Variants in PLXDC2 observed in about 807,000 individuals in gnomAD.
The protein encoded by PLXDC2 is plexin domain containing 2.
PLXDC2 carries 40 observed loss-of-function variants against 68.9 expected under a neutral mutation model. The observed-to-expected ratio is 0.58, with a 90% CI of 0.45 to 0.76. PLXDC2 has a LOEUF of 0.76. Ranked by LOEUF, PLXDC2 falls within the 30% of genes least tolerant of loss-of-function variation. The pLI, the probability that PLXDC2 is intolerant of heterozygous loss-of-function variation, is 0.00. For synonymous variants in PLXDC2, 243 were observed against 234.2 expected (o/e 1.04, Z -0.34); for missense variants, 644 against 661.9 (o/e 0.97, Z 0.30).
intron 4 of PLXDC2, among the ~76,000 whole-genome samples, chr10:20,102,301 A>G (rs780240130): frequency 6.6e-6 from 1 of 152,232 alleles, no homozygotes; most frequent in Non-Finnish European, 1.5e-5. Context: ...ATTTTGATTT[A>G]GATAACTCGG....
At chr10:20,243,203 G>A (rs1835540953) in intron 12 of PLXDC2, among the ~76,000 whole-genome samples, 1 of 152,184 alleles carries the variant, frequency 6.6e-6, no homozygotes, top group African/African-American at 2.4e-5. Flanking sequence ...CAGACTGCTG[G>A]TGTGTGAGCT....
intron 7 of PLXDC2, among the ~76,000 whole-genome samples, chr10:20,175,594 C>G (rs1429666465): frequency 6.6e-6 from 1 of 152,132 alleles, no homozygotes; most frequent in African/African-American, 2.4e-5. Flanking sequence ...TTTGGGAGGC[C>G]AAAGCAGGGG....
intron 1 of PLXDC2, among the ~76,000 whole-genome samples, chr10:19,859,000 C>G (rs192340682): frequency 1.3e-5 from 2 of 150,918 alleles, no homozygotes; most frequent in East Asian, 3.9e-4. Context: ...AAGCAGGGAA[C>G]CCATGATGAG....
At chr10:19,998,018 A>G (rs1266849377) in intron 1 of PLXDC2, among the ~76,000 whole-genome samples, 1 of 152,228 alleles carries the variant, frequency 6.6e-6, no homozygotes, top group Admixed American at 6.5e-5. Flanking sequence ...CTATAGCCAA[A>G]TATGTTGGGG....
chr10:20,203,418 C>T (rs993789246), intron 9 of PLXDC2, among the ~76,000 whole-genome samples: 18 of 151,788 alleles, frequency 1.2e-4, no homozygotes, highest in Non-Finnish European at 1.2e-4. Context: ...AATCTTTCCA[C>T]TTCAGCCTCC....
chr10:20,083,156 T>C (rs1288263943), intron 4 of PLXDC2, among the ~76,000 whole-genome samples: 1 of 152,112 alleles, frequency 6.6e-6, no homozygotes, highest in African/African-American at 2.4e-5. Flanking sequence ...GATGTAATTT[T>C]CACAATCATC....
At chr10:19,835,339 T>C (rs895013581) in intron 1 of PLXDC2, among the ~76,000 whole-genome samples, 3 of 152,164 alleles carry the variant, frequency 2.0e-5, no homozygotes, top group Non-Finnish European at 2.9e-5. Flanking sequence ...AATTCAGCAC[T>C]ACTGGATCAA....
chr10:20,009,599 G>A (rs1835077661), intron 2 of PLXDC2, among the ~76,000 whole-genome samples: 1 of 151,666 alleles, frequency 6.6e-6, no homozygotes, highest in Admixed American at 6.6e-5. Flanking sequence ...AATTGAAAAG[G>A]AGAAATACTG....
chr10:20,233,136 T>G (rs939036581), intron 12 of PLXDC2, among the ~76,000 whole-genome samples: 1 of 152,060 alleles, frequency 6.6e-6, no homozygotes, highest in Non-Finnish European at 1.5e-5. Flanking sequence ...GCGAGTTGTA[T>G]AGTTGCACGA....
In PLXDC2 at chr10:20,110,985, C is replaced by G. The variant is rs574396458; in HGVS notation, c.542-32310C>G. Among the ~76,000 whole-genome samples the G allele has an allele frequency of 1.7e-3, 257 of 152,282 alleles. 1 individual carries two copies. Among genetic ancestry groups the G allele is most frequent in the African/African-American group, 5.1e-3 (214 of 41,560 alleles). ...TATTGGGCTCCCTTGTCTATGCTCA[C>G]CCCCTGACCAGGGTACCCACATAAT... On this transcript the variant is annotated intron_variant, in intron 4 of 13. Coordinates refer to ENST00000377252, the MANE Select transcript of PLXDC2 (RefSeq NM_032812.9).
At position 19,838,431 on chromosome 10, in the gene PLXDC2, T is replaced by C. The variant is rs142760580; in HGVS notation, c.112+21240T>C. 2.6e-5 allele frequency among the ~76,000 whole-genome samples: 4 copies of C among 152,326 alleles called. No individual in the cohort carries two copies. The East Asian group carries it at 7.7e-4, about 29-fold the overall frequency. ...TACTCTGTTGTTTCCTAGCCCATGA[T>C]AATAAATACAACATTGGAAATCTGT... is the stretch of plus-strand genomic sequence containing the variant. On this transcript the variant is annotated intron_variant, in intron 1 of 13. Transcript: ENST00000377252.
chr10:20,127,176 A>G (rs1479341212), intron 4 of PLXDC2, among the ~76,000 whole-genome samples: 1 of 152,072 alleles, frequency 6.6e-6, no homozygotes, highest in Admixed American at 6.6e-5. Flanking sequence ...AAGCTCTTCT[A>G]CTCCTTTTGA....
chr10:19,870,105 C>G (rs186813123), intron 1 of PLXDC2, among the ~76,000 whole-genome samples: 1 of 152,116 alleles, frequency 6.6e-6, no homozygotes, highest in Non-Finnish European at 1.5e-5. Context: ...ATGTTTTGCA[C>G]AAATGCGACA....
At chr10:19,983,010 G>A (rs1436472234) in intron 1 of PLXDC2, among the ~76,000 whole-genome samples, 2 of 152,032 alleles carry the variant, frequency 1.3e-5, no homozygotes, top group Non-Finnish European at 2.9e-5. Flanking sequence ...TATTATCAAT[G>A]TTAACATACT....
chr10:20,191,169 T>A (rs1457117584), intron 9 of PLXDC2, among the ~76,000 whole-genome samples: 1 of 151,944 alleles, frequency 6.6e-6, no homozygotes, highest in Non-Finnish European at 1.5e-5. Context: ...TAAAGATAAT[T>A]TAGCATAAAA....
intron 10 of PLXDC2, among the ~76,000 whole-genome samples, chr10:20,216,820 A>G (rs1835143973): frequency 6.8e-6 from 1 of 147,140 alleles, no homozygotes; most frequent in Admixed American, 6.6e-5. Context: ...TTTTCAATAT[A>G]GCTCTGCTAA....
chr10:19,923,115 T>G (rs912244070), intron 1 of PLXDC2, among the ~76,000 whole-genome samples: 1 of 152,190 alleles, frequency 6.6e-6, no homozygotes, highest in Non-Finnish European at 1.5e-5. Context: ...GGGCTTTATT[T>G]CTTTAGACCA....
intron 1 of PLXDC2, among the ~76,000 whole-genome samples, chr10:19,907,092 G>T (rs1388950801): frequency 6.6e-6 from 1 of 152,098 alleles, no homozygotes; most frequent in Non-Finnish European, 1.5e-5. Flanking sequence ...ATTTATTGTG[G>T]CATGGTAATC....
chr10:20,261,723 G>A (rs561273514), intron 13 of PLXDC2, among the ~76,000 whole-genome samples: 81 of 151,998 alleles, frequency 5.3e-4, no homozygotes, highest in Middle Eastern at 6.8e-3. Context: ...GGGTGGTAGC[G>A]CATGCCTGTA....
Sources: gnomAD v4.1 joint callset for allele counts (sites outside exome capture counted in the v4.1 genomes callset) on GRCh38, gnomAD v4.1.1 for gene constraint, MANE v1.5 for transcripts, NCBI Gene and HGNC (gene_info 2026-07-23, HGNC 2026-07-21) for gene names.